Variants in RALGAPA1 observed in about 807,000 individuals in gnomAD.
RALGAPA1 encodes the protein Ral GTPase activating protein catalytic subunit alpha 1.
In RALGAPA1, 52 loss-of-function variants were observed where a neutral mutation model predicts 269.6. The ratio of observed to expected loss-of-function variants is 0.19; its 90% CI spans 0.15 to 0.24. The LOEUF is 0.24. RALGAPA1 is among the 10% of genes least tolerant of loss of function. The pLI, the probability that RALGAPA1 is intolerant of heterozygous loss-of-function variation, is 1.00. For missense variants in RALGAPA1, 1,917 were observed against 3,013.9 expected (o/e 0.64, Z 8.52); for synonymous variants, 817 against 1,008.3 (o/e 0.81, Z 3.60).
chr14:35,791,734 G>A (rs527920681), intron 1 of RALGAPA1, among the ~76,000 whole-genome samples: 21 of 150,932 alleles, frequency 1.4e-4, no homozygotes, highest in Middle Eastern at 3.5e-3. Flanking sequence ...GTGAAACCCC[G>A]TCTTTACTAA....
At chr14:35,784,020 T>C (rs2075632539) in intron 1 of RALGAPA1, among the ~76,000 whole-genome samples, 1 of 151,990 alleles carries the variant, frequency 6.6e-6, no homozygotes, top group Non-Finnish European at 1.5e-5. Flanking sequence ...AAAAGTTTAA[T>C]ATAGAGTTAT....
At chr14:35,772,521 G>C (rs544524669) in intron 3 of RALGAPA1, among the ~76,000 whole-genome samples, 1 of 152,200 alleles carries the variant, frequency 6.6e-6, no homozygotes, top group Non-Finnish European at 1.5e-5. Flanking sequence ...CTACCTTACT[G>C]CTAAACAGTG....
chr14:35,625,475 G>A, intron 34 of RALGAPA1, 43 bp from the exon 35 acceptor site: 1 of 1,400,260 alleles, frequency 7.1e-7, no homozygotes, highest in South Asian at 1.3e-5. Flanking sequence ...CCTTTGCAGT[G>A]AATGACAAGA....
At chr14:35,692,024 A>G (rs2066520438) in intron 17 of RALGAPA1, among the ~76,000 whole-genome samples, 1 of 152,130 alleles carries the variant, frequency 6.6e-6, no homozygotes, top group Admixed American at 6.5e-5. Flanking sequence ...ACAGCAGATA[A>G]CTAACTCATA....
chr14:35,694,740 T>C (rs928893263), intron 17 of RALGAPA1, among the ~76,000 whole-genome samples: 4 of 152,166 alleles, frequency 2.6e-5, no homozygotes, highest in Admixed American at 6.5e-5. Flanking sequence ...TATAATGTCA[T>C]GTTTAAGTTA....
intron 30 of RALGAPA1, among the ~76,000 whole-genome samples, chr14:35,652,234 A>AG (rs1424022570): frequency 1.3e-5 from 2 of 152,032 alleles, no homozygotes; most frequent in African/African-American, 4.8e-5. Flanking sequence ...AAACCATCAT[A>AG]GGCTGGGCAC....
At chr14:35,584,310 C>T (rs2058136182) in intron 37 of RALGAPA1, among the ~76,000 whole-genome samples, 1 of 152,010 alleles carries the variant, frequency 6.6e-6, no homozygotes, top group Admixed American at 6.6e-5. Flanking sequence ...GTCACTCAAG[C>T]TGGAGTGCAG....
intron 36 of RALGAPA1, among the ~76,000 whole-genome samples, chr14:35,601,175 AG>A (rs1322148052): frequency 6.6e-6 from 1 of 152,214 alleles, no homozygotes; most frequent in East Asian, 1.9e-4. Flanking sequence ...TGATGGTAAA[AG>A]TCCCAATTCT....
At chr14:35,757,225 A>G (rs8022489) in intron 6 of RALGAPA1, among the ~76,000 whole-genome samples, 52,564 of 150,960 alleles carry the variant, frequency 0.35, 12,621 homozygotes, top group African/African-American at 0.67. Context: ...AGGTTCAAGC[A>G]ATTCTCCTGC....
chr14:35,604,242 G>A lies in RALGAPA1; in HGVS notation c.7053+1344C>T, dbSNP rs183006426. Among the ~76,000 whole-genome samples the A allele has an allele frequency of 2.0e-4, 30 of 151,788 alleles. No individual in the cohort carries two copies. In the East Asian group the frequency reaches 5.0e-3, roughly 25 times the overall value. On this transcript the variant is annotated intron_variant, in intron 36 of 41. Transcript: ENST00000680220. ...TACCTAGTTCATTACACTCAATAACGACAGAGTATACACATTGTTTTCAAG... is the reference window on the plus strand; with the variant it reads ...TACCTAGTTCATTACACTCAATAACAACAGAGTATACACATTGTTTTCAAG...
chr14:35,632,924 T>G (rs75903448), intron 33 of RALGAPA1, among the ~76,000 whole-genome samples: 3,390 of 152,310 alleles, frequency 0.022, 126 homozygotes, highest in South Asian at 0.14. Flanking sequence ...CAGAGAATCA[T>G]GTGCTGTTAG....
At chr14:35,727,310 CATATATATATATAT>C (rs34288628) in intron 13 of RALGAPA1, among the ~76,000 whole-genome samples, 78 of 104,476 alleles carry the variant, frequency 7.5e-4, no homozygotes, top group African/African-American at 2.4e-3. Context: ...AAAATTATGG[CATATATATATATAT>C]ATATATATAT....
chr14:35,610,760 A>G (rs778144628), intron 35 of RALGAPA1, among the ~76,000 whole-genome samples: 3 of 152,242 alleles, frequency 2.0e-5, no homozygotes, highest in Middle Eastern at 3.2e-3. Flanking sequence ...AAAGGCTATT[A>G]GAGCTAATAA....
At chr14:35,694,356 T>A (rs938846806) in intron 17 of RALGAPA1, among the ~76,000 whole-genome samples, 3 of 152,152 alleles carry the variant, frequency 2.0e-5, no homozygotes, top group African/African-American at 7.2e-5. Flanking sequence ...GAAACTCAGT[T>A]TTTTTCTGCT....
intron 39 of RALGAPA1, among the ~76,000 whole-genome samples, chr14:35,553,227 A>G (rs2139162720): frequency 6.6e-6 from 1 of 152,292 alleles, no homozygotes; most frequent in Middle Eastern, 3.4e-3. Flanking sequence ...TAGGAGGGCA[A>G]TTTTTGATGT....
intron 25 of RALGAPA1, among the ~76,000 whole-genome samples, chr14:35,672,073 G>A (rs1277634834): frequency 1.3e-5 from 2 of 152,068 alleles, no homozygotes; most frequent in African/African-American, 4.8e-5. Context: ...GTATTCAGTT[G>A]TATTATTCAT....
intron 1 of RALGAPA1, among the ~76,000 whole-genome samples, chr14:35,804,375 C>A (rs534019004): frequency 2.0e-5 from 3 of 151,718 alleles, no homozygotes; most frequent in East Asian, 3.9e-4. Flanking sequence ...TCAAGACCAG[C>A]CTGGCCAACA....
At chr14:35,644,325 T>A (rs958017413) in intron 31 of RALGAPA1, among the ~76,000 whole-genome samples, 8 of 152,192 alleles carry the variant, frequency 5.3e-5, no homozygotes, top group African/African-American at 1.9e-4. Context: ...ACGATATACA[T>A]GCATCTGTTC....
intron 26 of RALGAPA1, among the ~76,000 whole-genome samples, chr14:35,669,132 T>A (rs1474929814): frequency 6.6e-6 from 1 of 152,192 alleles, no homozygotes; most frequent in Non-Finnish European, 1.5e-5. Flanking sequence ...ACAAATAAGA[T>A]CTCTCCATTC....
Sources: allele counts gnomAD v4.1 joint callset (sites outside exome capture counted in the v4.1 genomes callset), GRCh38; gene constraint gnomAD v4.1.1; transcripts MANE v1.5; gene names NCBI Gene and HGNC (gene_info 2026-07-23, HGNC 2026-07-21).